PRKCG: variants seen among roughly 807,000 people sequenced by gnomAD.
PRKCG encodes protein kinase C gamma.
In PRKCG, 28 loss-of-function variants were observed where a neutral mutation model predicts 82.0. That is an observed-to-expected ratio of 0.34 (90% CI 0.25 to 0.47). The LOEUF is 0.47. Among genes scored for constraint, PRKCG ranks in the 20% least tolerant of loss-of-function variants. PRKCG has a pLI of 1.00. For missense variants in PRKCG, 640 were observed against 952.7 expected (o/e 0.67, Z 4.32); for synonymous variants, 383 against 376.6 (o/e 1.02, Z -0.20).
In PRKCG at chr19:53,883,346, G is replaced by A; in HGVS notation, c.202+152G>A. The stretch of plus-strand genomic sequence containing the variant: ...GTGTGGCAGAGACACAGCCTGTGGT[G>A]GGGAGGGAGCTTTGATGGTGGGGCC... On this transcript the variant is annotated intron_variant, in intron 2 of 17. Transcript: ENST00000263431. This position sits in a 1 kb window ranked among gnomAD's most constrained non-coding sequence, Gnocchi z 5.4. 1 of 990,776 alleles carries A rather than the reference G, an allele frequency of 1.0e-6. No homozygotes were observed. The highest frequency in any genetic ancestry group is 2.1e-5 in the Admixed American group (1 of 47,338). The allele number at this position is 990,776 out of a possible 1,614,324, so 61.4% of individuals were successfully genotyped here. A position where few individuals can be genotyped will look rare whatever the true frequency, so the allele number is the denominator to read the frequency against.
Position 53,900,754 on chromosome 19 carries a change from C to A in PRKCG, c.1575+5C>A. ...CCGGACTACATAGCCCCGGAGGTAACCCCAACCCTGCTGCTCTGGTCACGC... is the reference window on the plus strand; with the variant it reads ...CCGGACTACATAGCCCCGGAGGTAAACCCAACCCTGCTGCTCTGGTCACGC... On this transcript the variant is annotated splice_donor_5th_base_variant and intron_variant, in intron 14 of 17. Coordinates refer to ENST00000263431, the MANE Select transcript of PRKCG (RefSeq NM_002739.5). This position sits in a 1 kb window ranked among gnomAD's most constrained non-coding sequence, Gnocchi z 4.2. 1 of 1,614,138 alleles carries A rather than the reference C, an allele frequency of 6.2e-7. No homozygotes were observed. Among genetic ancestry groups the A allele is most frequent in the South Asian group, 1.1e-5 (1 of 91,090 alleles).
Position 53,882,226 on chromosome 19 carries a change from C to T in PRKCG, c.-269C>T, listed in dbSNP as rs923521166. ...TTCAGCAGGTGCCGGAGCTGGAGCTCCCACCGCCGCCGCCCGTGCCTCCGG... is the reference window on the plus strand; with the variant it reads ...TTCAGCAGGTGCCGGAGCTGGAGCTTCCACCGCCGCCGCCCGTGCCTCCGG... On this transcript the variant is annotated 5_prime_UTR_variant, in exon 1 of 18. Transcript: ENST00000263431. The surrounding 1 kb of genome is among the most constrained non-coding windows in gnomAD (Gnocchi z 6.1). 7.8e-6 allele frequency: 4 copies of T among 512,128 alleles called. No individual in the cohort carries two copies. Among genetic ancestry groups the T allele is most frequent in the Non-Finnish European group, 1.4e-5 (4 of 280,464 alleles). The allele number at this position is 512,128 out of a possible 1,614,324, so 31.7% of individuals were successfully genotyped here.
chr19:53,892,673 G>A lies in PRKCG; in HGVS notation c.821+30G>A. 6.2e-7 allele frequency: 1 copy of A among 1,603,494 alleles called. No homozygotes were observed. Among genetic ancestry groups the A allele is most frequent in the Non-Finnish European group, 8.5e-7 (1 of 1,177,962 alleles). On this transcript the variant is annotated intron_variant, in intron 7 of 17. Coordinates refer to ENST00000263431, the MANE Select transcript of PRKCG (RefSeq NM_002739.5). The surrounding 1 kb of genome is among the most constrained non-coding windows in gnomAD (Gnocchi z 5.9). Reference sequence around the variant, plus strand: ...GGAGCAGGGCTGGGGCCTGGGGATGGAGCGCAATATTACCATCTCCATCTG... The same window carrying A: ...GGAGCAGGGCTGGGGCCTGGGGATGAAGCGCAATATTACCATCTCCATCTG...
chr19:53,904,443 A>G (rs191852827), intron 15 of PRKCG, among the ~76,000 whole-genome samples, 192 bp from the exon 16 acceptor site: 100 of 146,440 alleles, frequency 6.8e-4, no homozygotes, highest in Middle Eastern at 3.4e-3. Flanking sequence ...GAGATAGGAA[A>G]TGAGAGAACC....
rs1418483481 is a variant in PRKCG at position 53,892,539 on chromosome 19, G to A, written c.717G>A (p.Arg239=). The A allele has an allele frequency of 6.2e-7, 1 of 1,613,050 alleles. No homozygotes were observed. The highest frequency in any genetic ancestry group is 1.7e-5 in the Admixed American group (1 of 59,960). Residue 239 remains arginine (R), a synonymous_variant, in exon 7 of 18, where the codon CGG becomes CGA. Coordinates refer to ENST00000263431, the MANE Select transcript of PRKCG (RefSeq NM_002739.5). The surrounding 1 kb of genome is among the most constrained non-coding windows in gnomAD (Gnocchi z 5.9). The part of the protein sequence containing the change: ...FNLKPGDVER[R]LSVEVWDWDR... ...TGAAGCCAGGGGATGTGGAGCGCCG[G>A]CTCAGCGTGGAGGTGTGGGACTGGG...
At chr19:53,906,084 C>CCTTCTTCTTCTTCTTCTTCTT (rs1199099703) in intron 16 of PRKCG, among the ~76,000 whole-genome samples, 65 of 27,958 alleles carry the variant, frequency 2.3e-3, no homozygotes, top group South Asian at 8.3e-3. Context: ...TCCTCCTCCT[C>CCTTCTTCTTCTTCTTCTTCTT]CTTCTTCTTC....
chr19:53,886,718 A>G (rs1392333882), intron 3 of PRKCG, among the ~76,000 whole-genome samples: 1 of 152,060 alleles, frequency 6.6e-6, no homozygotes, highest in Non-Finnish European at 1.5e-5. Context: ...GGCCTCAAGT[A>G]TTTTGTATAC....
chr19:53,900,415 C>A lies in PRKCG; in HGVS notation c.1374-4C>A. The stretch of plus-strand genomic sequence containing the variant: ...CTGACGTCCCCACCCACCCCGTCCT[C>A]CAGGTTCTACGCGGCAGAAATCGCT... On this transcript the variant is annotated splice_polypyrimidine_tract_variant and splice_region_variant and intron_variant, in intron 12 of 17. Coordinates refer to ENST00000263431, the MANE Select transcript of PRKCG (RefSeq NM_002739.5). This position sits in a 1 kb window ranked among gnomAD's most constrained non-coding sequence, Gnocchi z 4.2. 1.2e-6 allele frequency: 2 copies of A among 1,614,154 alleles called. No homozygotes were observed. Among genetic ancestry groups the A allele is most frequent in the Non-Finnish European group, 1.7e-6 (2 of 1,180,038 alleles).
chr19:53,882,426 G>C lies in PRKCG; in HGVS notation c.-69G>C, dbSNP rs2122972669. On this transcript the variant is annotated 5_prime_UTR_variant, in exon 1 of 18. Coordinates refer to ENST00000263431, the MANE Select transcript of PRKCG (RefSeq NM_002739.5). This position sits in a 1 kb window ranked among gnomAD's most constrained non-coding sequence, Gnocchi z 6.1. ...GCTCCTTTGATCCTTCGAGTCTCCA[G>C]CTCCTCTCCCTTCCACCTGTTTCCC... is the stretch of plus-strand genomic sequence containing the variant. The C allele has an allele frequency of 6.3e-7, 1 of 1,575,318 alleles. No individual in the cohort carries two copies. Among genetic ancestry groups the C allele is most frequent in the African/African-American group, 1.4e-5 (1 of 73,134 alleles).
At chr19:53,894,582 C>T (rs2068704539) in intron 9 of PRKCG, among the ~76,000 whole-genome samples, 1 of 151,974 alleles carries the variant, frequency 6.6e-6, no homozygotes. Flanking sequence ...GCCTCAGCCT[C>T]CTGAGTAGTT....
rs774749939 is a variant in PRKCG, at chr19:53,891,623, G to A, written c.530-51G>A. On this transcript the variant is annotated intron_variant, in intron 5 of 17. Transcript: ENST00000263431. ...ATTGCTGACTGGAGGAGGGCTGGGA[G>A]CCCCTTCCTGGATCTCTAACCCGTC... is the stretch of plus-strand genomic sequence containing the variant. The A allele has an allele frequency of 3.7e-6, 6 of 1,603,960 alleles. No individual in the cohort carries two copies. In the East Asian group the frequency reaches 1.1e-4, roughly 30 times the overall value.
In PRKCG at chr19:53,900,270, G is replaced by A; in HGVS notation, c.1319G>A (p.Gly440Glu). Residue 440 changes from glycine (G) to glutamate (E), a missense_variant, in exon 12 of 18, where the codon GGA becomes GAA. Gly to Glu is a moderately conservative substitution (Grantham distance 98). This residue lies in a region of PRKCG where 78 missense variants were observed against 105.6 expected (regional missense o/e 0.74). Coordinates refer to ENST00000263431, the MANE Select transcript of PRKCG (RefSeq NM_002739.5). The surrounding 1 kb of genome is among the most constrained non-coding windows in gnomAD (Gnocchi z 4.2). ...TTCGTGATGGAGTACGTCACCGGGG[G>A]AGACTTGATGTACCACATTCAACAG... ...LYFVMEYVTG[G>E]DLMYHIQQLG... 6.2e-7 allele frequency: 1 copy of A among 1,614,136 alleles called. No homozygotes were observed.
chr19:53,902,922 C>CA (rs1435920714), intron 14 of PRKCG, 151 bp from the exon 15 acceptor site: 4 of 146,272 alleles, frequency 2.7e-5, no homozygotes, highest in East Asian at 2.5e-4. Context: ...AAAAACGAAA[C>CA]AAAAAATCAC....
intron 9 of PRKCG, among the ~76,000 whole-genome samples, chr19:53,896,373 C>A (rs1223437075): frequency 8.5e-6 from 1 of 117,424 alleles, no homozygotes; most frequent in Non-Finnish European, 1.7e-5. Flanking sequence ...CAGAAACAGC[C>A]CTGATTATTA....
intron 3 of PRKCG, among the ~76,000 whole-genome samples, chr19:53,886,747 A>G (rs420613): frequency 0.096 from 14,623 of 152,202 alleles, 1,692 homozygotes; most frequent in African/African-American, 0.28. Flanking sequence ...TTGGATCCAC[A>G]CAACAGCTTA....
rs201432255 is a variant in PRKCG, at chr19:53,893,373, C to T, written c.921C>T (p.Tyr307=). The T allele has an allele frequency of 6.2e-6, 10 of 1,613,686 alleles. No individual in the cohort carries two copies. The East Asian group carries it at 1.8e-4, about 29-fold the overall frequency. ...SLLQKFEACN[Y]PLELYERVRM... The stretch of plus-strand genomic sequence containing the variant: ...TTCTTTTCTCCCAGGCTTGTAACTA[C>T]CCCCTGGAATTGTATGAGGTGAGTA... The change falls in exon 9 of 18, where the codon TAC becomes TAT. Residue 307 remains tyrosine (Y), a synonymous_variant. Transcript: ENST00000263431.
rs1295329047 is a variant in PRKCG, at chr19:53,892,853, CT to C, written c.822-130del. 49 of 1,073,260 alleles carry C rather than the reference CT, an allele frequency of 4.6e-5. No homozygotes were observed. The highest frequency in any genetic ancestry group is 6.5e-5 in the Non-Finnish European group (47 of 722,392). The allele number at this position is 1,073,260 out of a possible 1,614,324, so 66.5% of individuals were successfully genotyped here. On this transcript the variant is annotated intron_variant, in intron 7 of 17. Transcript: ENST00000263431. This position sits in a 1 kb window ranked among gnomAD's most constrained non-coding sequence, Gnocchi z 5.9. Reference sequence around the variant, plus strand: ...CCCCTCCCTTTCTCCCTCTCCCTCTCTTTTTATCTCACTCTTTCTCTCTTCC... The same window carrying C: ...CCCCTCCCTTTCTCCCTCTCCCTCTCTTTTATCTCACTCTTTCTCTCTTCC...
intron 16 of PRKCG, 133 bp from the exon 17 acceptor site, chr19:53,906,184 T>TTCTTATCTCTCC: frequency 1.7e-6 from 2 of 1,191,740 alleles, no homozygotes; most frequent in South Asian, 2.6e-5. Flanking sequence ...CCCCTGGCTG[T>TTCTTATCTCTCC]TCTTATCTCT....
intron 3 of PRKCG, among the ~76,000 whole-genome samples, chr19:53,887,829 CAAAAAAAAAAA>C (rs60094916): frequency 3.5e-5 from 2 of 57,674 alleles, no homozygotes; most frequent in East Asian, 6.1e-4. Flanking sequence ...GACTCCATCT[CAAAAAAAAAAA>C]AAAAAAAAAA....
Sources: allele counts gnomAD v4.1 joint callset (sites outside exome capture counted in the v4.1 genomes callset), GRCh38; gene constraint gnomAD v4.1.1; regional missense constraint gnomAD v4.1.1; non-coding constraint Gnocchi (gnomAD v3.1); transcripts MANE v1.5; gene names NCBI Gene and HGNC (gene_info 2026-07-23, HGNC 2026-07-21).